Variants in TBCD observed in about 807,000 individuals in gnomAD.
The protein encoded by TBCD is tubulin folding cofactor D, also known as tubulin-specific chaperone D.
In TBCD, 105 loss-of-function variants were observed where a neutral mutation model predicts 169.3. The ratio of observed to expected loss-of-function variants is 0.62; its 90% confidence interval spans 0.53 to 0.73. The LOEUF (loss-of-function observed/expected upper bound fraction) is 0.73, where lower values mean the gene tolerates loss of function less well. TBCD is among the 30% of genes least tolerant of loss of function. The probability of loss-of-function intolerance (pLI) is 0.00; values close to 1 mark genes in which losing one functional copy is unlikely to be tolerated. For synonymous variants in TBCD, 700 were observed against 643.9 expected, an observed-to-expected ratio of 1.09 and a Z score of -1.32; for missense variants, 1,444 against 1,600.1, an observed-to-expected ratio of 0.90 and a Z score of 1.66.
rs944557358 is a variant in TBCD, at chr17:82,903,698, C to T, written c.1804+220C>T. Among the ~76,000 whole-genome samples the T allele has an allele frequency of 1.9e-4, 29 of 152,348 alleles. No homozygotes were observed. Among genetic ancestry groups the T allele is most frequent in the Non-Finnish European group, 4.1e-4 (28 of 68,030 alleles). ...GGCAGGGAGCCGCTGAACTGTGTTA[C>T]GTACACCGGAGCCCGTGATGGTCCC... is the stretch of plus-strand genomic sequence containing the variant. On this transcript the variant is annotated intron_variant, in intron 19 of 38. Transcript: ENST00000355528. The surrounding 1 kb of genome is among the most constrained non-coding windows in gnomAD (Gnocchi z 4.8).
intron 2 of TBCD, among the ~76,000 whole-genome samples, chr17:82,759,888 GTTT>G (rs71885635): frequency 4.9e-5 from 6 of 121,474 alleles, no homozygotes; most frequent in Non-Finnish European, 3.5e-5. Context: ...TCGTTTGTTT[GTTT>G]TTTTTTTTTT....
At chr17:82,900,775 C>T (rs55775050) in intron 18 of TBCD, 44 bp downstream of exon 18, 15 of 1,443,056 alleles carry the variant, frequency 1.0e-5, no homozygotes, top group Admixed American at 1.7e-5. Context: ...TTTTTCCCCC[C>T]AAAGGAGAGA....
chr17:82,889,394 C>T lies in TBCD; in HGVS notation c.1534-274C>T, dbSNP rs750716104. ...TCTCTGAGTTGACAGCCGGGGCCTC[C>T]GCGTGGGTGCTGCTGGGAGGCTCAG... On this transcript the variant is annotated intron_variant, in intron 15 of 38. Transcript: ENST00000355528. The surrounding 1 kb of genome is among the most constrained non-coding windows in gnomAD (Gnocchi z 5.3). 9.9e-5 allele frequency among the ~76,000 whole-genome samples: 15 copies of T among 152,114 alleles called. No individual in the cohort carries two copies. The highest frequency in any genetic ancestry group is 1.6e-4 in the Non-Finnish European group (11 of 68,016).
chr17:82,845,496 C>CCGGCCCCTTCCTCTCCGTCCTGTCCAGCT (rs2054957225), intron 13 of TBCD, among the ~76,000 whole-genome samples: 4 of 117,934 alleles, frequency 3.4e-5, no homozygotes, highest in African/African-American at 1.1e-4. Flanking sequence ...CCTGTCCGGC[C>CCGGCCCCTTCCTCTCCGTCCTGTCCAGCT]CGGCCCCTTC....
chr17:82,828,058 G>A (rs1404037257), intron 13 of TBCD, among the ~76,000 whole-genome samples: 3 of 141,358 alleles, frequency 2.1e-5, no homozygotes, highest in Admixed American at 7.3e-5. Flanking sequence ...TACACCCACA[G>A]ATACGCACAT....
intron 13 of TBCD, among the ~76,000 whole-genome samples, chr17:82,822,531 A>G (rs1258374163): frequency 6.6e-6 from 1 of 152,232 alleles, no homozygotes; most frequent in Non-Finnish European, 1.5e-5. Context: ...GAGTGGGCAC[A>G]GAAAAGCGCC....
At chr17:82,860,448 C>T (rs1325739993) in intron 13 of TBCD, 81 of 985,184 alleles carry the variant, frequency 8.2e-5, no homozygotes, top group Non-Finnish European at 9.2e-5. Context: ...GAAGGAACCA[C>T]GGTGGGTTTC....
chr17:82,849,733 C>T (rs192387664), intron 13 of TBCD, among the ~76,000 whole-genome samples: 6 of 152,352 alleles, frequency 3.9e-5, no homozygotes, highest in Admixed American at 2.6e-4. Flanking sequence ...TCACAGGATG[C>T]GACCATGGTG....
intron 17 of TBCD, chr17:82,895,684 T>C (rs967834227): frequency 6.6e-6 from 1 of 152,252 alleles, no homozygotes; most frequent in Admixed American, 6.5e-5. Context: ...CAGAGCTGTG[T>C]TGGCATCACT....
chr17:82,756,853 G>A (rs963076009), intron 2 of TBCD, among the ~76,000 whole-genome samples: 1 of 152,148 alleles, frequency 6.6e-6, no homozygotes, highest in Non-Finnish European at 1.5e-5. Context: ...TCTGGTAATA[G>A]TCATACAGGG....
At position 82,831,753 on chromosome 17, in the gene TBCD, G is replaced by A. The variant is rs745915651; in HGVS notation, c.1318+16819G>A. ...GGTACTCTGGGATTGTGGGGTGCAT[G>A]TAAGGGGAAATGGCCCCAAGCCCCT... On this transcript the variant is annotated intron_variant, in intron 13 of 38. Coordinates refer to ENST00000355528, the MANE Select transcript of TBCD (RefSeq NM_005993.5). The surrounding 1 kb of genome is among the most constrained non-coding windows in gnomAD (Gnocchi z 4.6). 11 of 1,614,162 alleles carry A rather than the reference G, an allele frequency of 6.8e-6. No homozygotes were observed. The highest frequency in any genetic ancestry group is 1.7e-5 in the Admixed American group (1 of 60,022).
chr17:82,859,570 G>C, intron 13 of TBCD: 1 of 985,474 alleles, frequency 1.0e-6, no homozygotes, highest in Non-Finnish European at 1.2e-6. Flanking sequence ...GGCTACGGAA[G>C]TTGCTCTGTG....
At position 82,805,926 on chromosome 17, in the gene TBCD, G is replaced by A; in HGVS notation, c.1002G>A (p.Gln334=). The change falls in exon 10 of 39, where the codon CAG becomes CAA. Residue 334 remains glutamine, a synonymous_variant. Transcript: ENST00000355528. ...CTGCAAATCTGCAGCTCCTCACTCA[G>A]GGTCAGAGTGAGCAGAAGCCACTCA... ...SLAANLQLLT[Q]GQSEQKPLIL... 6.2e-7 allele frequency: 1 copy of A among 1,613,690 alleles called. No individual in the cohort carries two copies. The highest frequency in any genetic ancestry group is 8.5e-7 in the Non-Finnish European group (1 of 1,179,682).
intron 34 of TBCD, among the ~76,000 whole-genome samples, chr17:82,934,379 C>T (rs974696319): frequency 5.4e-5 from 6 of 111,960 alleles, no homozygotes; most frequent in African/African-American, 9.0e-5. Context: ...ACTGACTGAC[C>T]TTCTTACACC....
At chr17:82,926,742 A>G (rs952446888) in intron 28 of TBCD, 3 of 566,356 alleles carry the variant, frequency 5.3e-6, no homozygotes, top group Non-Finnish European at 9.4e-6. Flanking sequence ...TCCTGGCCCA[A>G]GGTTGGCAAA....
At chr17:82,784,170 C>T (rs2049139607) in intron 7 of TBCD, among the ~76,000 whole-genome samples, 1 of 152,112 alleles carries the variant, frequency 6.6e-6, no homozygotes, top group Non-Finnish European at 1.5e-5. Context: ...TTTCAGTACC[C>T]TTGGGTACAC....
chr17:82,882,486 G>A (rs2058426844), intron 14 of TBCD, among the ~76,000 whole-genome samples: 1 of 152,194 alleles, frequency 6.6e-6, no homozygotes, highest in South Asian at 2.1e-4. Flanking sequence ...GCTGTAGTTT[G>A]TAGGTCTCCT....
At chr17:82,877,349 C>CT (rs932766885) in intron 14 of TBCD, among the ~76,000 whole-genome samples, 74 of 149,060 alleles carry the variant, frequency 5.0e-4, no homozygotes, top group Middle Eastern at 3.4e-3. Flanking sequence ...AGTTATATAA[C>CT]TTTTTTTTTT....
chr17:82,927,921 A>T lies in TBCD; in HGVS notation c.2626A>T (p.Met876Leu). The T allele has an allele frequency of 1.2e-6, 2 of 1,613,606 alleles. No homozygotes were observed. ...DVGTWVRKAA[M>L]TSLMDLTLLL... Reference sequence around the variant, plus strand: ...TCCCATCAGGGTCCGCAAGGCCGCCATGACCAGTCTGATGGATCTGACACT... The same window carrying T: ...TCCCATCAGGGTCCGCAAGGCCGCCTTGACCAGTCTGATGGATCTGACACT... The change falls in exon 30 of 39, where the codon ATG becomes TTG. Residue 876 changes from methionine to leucine, a missense_variant. Met to Leu is a conservative substitution (Grantham distance 15, BLOSUM62 2). Transcript: ENST00000355528.
Sources: allele counts gnomAD v4.1 joint callset (sites outside exome capture counted in the v4.1 genomes callset), GRCh38; gene constraint gnomAD v4.1.1; non-coding constraint Gnocchi (gnomAD v3.1); transcripts MANE v1.5; gene names NCBI Gene and HGNC (gene_info 2026-07-23, HGNC 2026-07-21).